The following PRKCB variants were observed in gnomAD, a reference collection of about 807,000 sequenced individuals.
PRKCB encodes the protein protein kinase C beta type.
In PRKCB, 13 loss-of-function variants were observed where a neutral mutation model predicts 81.5. The ratio of observed to expected loss-of-function variants is 0.16; its 90% CI spans 0.10 to 0.25. PRKCB has a LOEUF of 0.25. Ranked by LOEUF, PRKCB falls within the 10% of genes least tolerant of loss-of-function variation. The pLI is 1.00. For missense variants in PRKCB, 509 were observed against 875.7 expected (o/e 0.58, Z 5.29); for synonymous variants, 335 against 321.4 (o/e 1.04, Z -0.45).
chr16:24,134,358 G>A lies in PRKCB; in HGVS notation c.1065+10377G>A, dbSNP rs531963553. On this transcript the variant is annotated intron_variant, in intron 9 of 16. Coordinates refer to ENST00000643927, the MANE Select transcript of PRKCB (RefSeq NM_002738.7). ...TGGCTATAATCCCAGAGCCTCTAGA[G>A]GCCAAGCCTGGAGGATTGCTTGAGC... Among the ~76,000 whole-genome samples the A allele has an allele frequency of 2.6e-5, 4 of 152,252 alleles. No homozygotes were observed. In the South Asian group the frequency reaches 6.2e-4, roughly 24 times the overall value.
intron 9 of PRKCB, among the ~76,000 whole-genome samples, chr16:24,144,141 GAGAGAGAGAA>G (rs1029391184): frequency 1.4e-4 from 21 of 150,648 alleles, no homozygotes; most frequent in African/African-American, 5.2e-4. Flanking sequence ...GAGAGAAAGA[GAGAGAGAGAA>G]AGAGAGAGAC....
At chr16:24,187,445 A>G (rs1967720435) in intron 15 of PRKCB, among the ~76,000 whole-genome samples, 1 of 152,168 alleles carries the variant, frequency 6.6e-6, no homozygotes, top group African/African-American at 2.4e-5. Context: ...AATACTGTAA[A>G]TCACTTAGAA....
At chr16:24,129,525 A>G (rs924563768) in intron 9 of PRKCB, among the ~76,000 whole-genome samples, 2 of 88,570 alleles carry the variant, frequency 2.3e-5, no homozygotes, top group African/African-American at 4.3e-5. Flanking sequence ...ACGTGCATCT[A>G]TCTATCTATC....
intron 5 of PRKCB, among the ~76,000 whole-genome samples, chr16:24,090,285 A>G (rs968068258): frequency 6.6e-6 from 1 of 152,196 alleles, no homozygotes; most frequent in African/African-American, 2.4e-5. Flanking sequence ...AGTGCAGAAA[A>G]AATGTCAGCA....
chr16:23,877,651 G>A (rs1468731487), intron 2 of PRKCB, among the ~76,000 whole-genome samples: 1 of 152,198 alleles, frequency 6.6e-6, no homozygotes, highest in Non-Finnish European at 1.5e-5. Context: ...AAAGTTAGTT[G>A]TTCTGTGTGA....
chr16:23,930,593 T>G (rs1963958932), intron 2 of PRKCB, among the ~76,000 whole-genome samples: 1 of 152,036 alleles, frequency 6.6e-6, no homozygotes, highest in African/African-American at 2.4e-5. Context: ...GTTGCTCTTT[T>G]GAAGAGCATT....
chr16:23,962,281 C>G (rs1964436735), intron 2 of PRKCB, among the ~76,000 whole-genome samples: 1 of 152,128 alleles, frequency 6.6e-6, no homozygotes. Flanking sequence ...CCTGGTTTCG[C>G]TCCCTAACGT....
rs117153663 is a variant in PRKCB at position 23,911,359 on chromosome 16, C to T, written c.205+73953C>T. Among the ~76,000 whole-genome samples the T allele has an allele frequency of 4.3e-3, 651 of 151,882 alleles. 3 individuals carry two copies. Among genetic ancestry groups the T allele is most frequent in the Middle Eastern group, 0.01 (3 of 294 alleles). On this transcript the variant is annotated intron_variant, in intron 2 of 16. Transcript: ENST00000643927. Reference sequence around the variant, plus strand: ...CCCAGGCTGTTCTTCAACTCCTGAGCTCAAGTGATCCACCCACCTCGGCCT... The same window carrying T: ...CCCAGGCTGTTCTTCAACTCCTGAGTTCAAGTGATCCACCCACCTCGGCCT...
At chr16:23,918,138 G>A (rs937158511) in intron 2 of PRKCB, among the ~76,000 whole-genome samples, 2 of 152,120 alleles carry the variant, frequency 1.3e-5, no homozygotes, top group Non-Finnish European at 2.9e-5. Context: ...AGTTTGACTT[G>A]GGGATGGGGG....
chr16:24,020,976 T>TTTTCTTTCTTTCTTTCTCTTTC (rs1965353632), intron 3 of PRKCB, among the ~76,000 whole-genome samples: 2 of 96,740 alleles, frequency 2.1e-5, no homozygotes, highest in African/African-American at 8.2e-5. Context: ...AGACTTTTCT[T>TTTTCTTTCTTTCTTTCTCTTTC]TTTCTTTCTT....
chr16:24,012,125 T>G (rs1307626954), intron 3 of PRKCB, among the ~76,000 whole-genome samples: 1 of 152,198 alleles, frequency 6.6e-6, no homozygotes, highest in Non-Finnish European at 1.5e-5. Context: ...CATCTTGCTC[T>G]GTGTTCCCAG....
chr16:23,936,819 A>G (rs1370234819), intron 2 of PRKCB, among the ~76,000 whole-genome samples: 1 of 152,138 alleles, frequency 6.6e-6, no homozygotes, highest in Non-Finnish European at 1.5e-5. Flanking sequence ...TGGGGCCATT[A>G]CAAACAATGC....
chr16:23,953,886 A>ATC (rs1220652220), intron 2 of PRKCB, among the ~76,000 whole-genome samples: 3 of 23,696 alleles, frequency 1.3e-4, no homozygotes, highest in Admixed American at 1.5e-3. Context: ...GAAGGCATCC[A>ATC]TCTTTTTTTT....
At chr16:23,883,523 T>C (rs911551885) in intron 2 of PRKCB, among the ~76,000 whole-genome samples, 2 of 152,112 alleles carry the variant, frequency 1.3e-5, no homozygotes, top group African/African-American at 2.4e-5. Flanking sequence ...AAGGATCAGA[T>C]TTGTATTTAA....
At chr16:24,027,111 T>C (rs1965491575) in intron 3 of PRKCB, among the ~76,000 whole-genome samples, 1 of 152,176 alleles carries the variant, frequency 6.6e-6, no homozygotes, top group South Asian at 2.1e-4. Flanking sequence ...CAACTTGTCA[T>C]CTACATTAGG....
chr16:24,058,077 C>T (rs918333150), intron 5 of PRKCB, among the ~76,000 whole-genome samples: 1 of 152,170 alleles, frequency 6.6e-6, no homozygotes. Flanking sequence ...TCTGAGCCAA[C>T]AAATATTTTT....
chr16:24,094,853 A>AAGGAAGGG (rs771070281), intron 7 of PRKCB, among the ~76,000 whole-genome samples: 1,424 of 139,694 alleles, frequency 0.01, 24 homozygotes, highest in African/African-American at 0.026. Context: ...GGAAGGAAGG[A>AAGGAAGGG]AAGGAAGAAA....
intron 2 of PRKCB, among the ~76,000 whole-genome samples, chr16:23,873,236 G>C (rs1187262765): frequency 2.0e-5 from 3 of 150,774 alleles, no homozygotes; most frequent in Non-Finnish European, 4.4e-5. Flanking sequence ...TGAGTGTGGT[G>C]GTGGGCGCCT....
chr16:24,079,477 AT>A (rs960447672), intron 5 of PRKCB, among the ~76,000 whole-genome samples: 26 of 151,618 alleles, frequency 1.7e-4, no homozygotes, highest in Non-Finnish European at 2.7e-4. Flanking sequence ...TTAGAGTAAC[AT>A]TTTTTTTTCT....
Sources: allele counts gnomAD v4.1 joint callset (sites outside exome capture counted in the v4.1 genomes callset), GRCh38; gene constraint gnomAD v4.1.1; transcripts MANE v1.5; gene names NCBI Gene and HGNC (gene_info 2026-07-23, HGNC 2026-07-21).